The following FASTKD2 variants were observed in gnomAD, a reference collection of about 807,000 sequenced individuals.
FASTKD2 encodes FAST kinase domain-containing protein 2, mitochondrial.
FASTKD2 carries 51 observed loss-of-function variants against 63.6 expected under a neutral mutation model. The observed-to-expected ratio is 0.80, with a 90% CI of 0.64 to 1.01. The LOEUF is 1.01. Ranked by LOEUF, FASTKD2 falls within the 50% of genes least tolerant of loss-of-function variation. The pLI is 0.00. For missense variants in FASTKD2, 786 were observed against 831.1 expected (o/e 0.95, Z 0.67); for synonymous variants, 284 against 293.4 (o/e 0.97, Z 0.33).
chr2:206,775,024 T>C (rs1689785492), intron 7 of FASTKD2, among the ~76,000 whole-genome samples: 1 of 152,078 alleles, frequency 6.6e-6, no homozygotes, highest in Non-Finnish European at 1.5e-5. Context: ...GACTAGCTTA[T>C]TTCAGTTAGC....
At position 206,790,582 on chromosome 2, in the gene FASTKD2, C is replaced by T; in HGVS notation, c.1909C>T (p.Leu637=). Residue 637 remains leucine, a synonymous_variant, in exon 11 of 12, where the codon CTA becomes TTA. Coordinates refer to ENST00000402774, the MANE Select transcript of FASTKD2 (RefSeq NM_001136193.2). ...SATDIQRVAV[L]CVSRSAYCLG... ...TATTTTTGTTTTCAGAGTAGCTGTG[C>T]TATGTGTTTCCAGATCTGCTTATTG... 6.3e-7 allele frequency: 1 copy of T among 1,592,736 alleles called. No homozygotes were observed.
At chr2:206,766,117 G>T (rs527929742) in intron 1 of FASTKD2, among the ~76,000 whole-genome samples, 20 of 151,804 alleles carry the variant, frequency 1.3e-4, no homozygotes, top group Non-Finnish European at 2.8e-4. Context: ...AAAATTAGCC[G>T]GGCGTGGTGG....
chr2:206,776,870 C>T (rs964111974), intron 7 of FASTKD2, among the ~76,000 whole-genome samples: 20 of 151,998 alleles, frequency 1.3e-4, no homozygotes, highest in African/African-American at 4.8e-4. Context: ...GCACTGAATC[C>T]GTAGACTGCC....
chr2:206,772,066 T>C (rs367664517), intron 5 of FASTKD2, 49 bp downstream of exon 5: 72 of 1,608,564 alleles, frequency 4.5e-5, no homozygotes, highest in Non-Finnish European at 5.6e-5. Context: ...GCTTCTGTTT[T>C]AGACTATTTT....
chr2:206,789,127 A>AT (rs1559366780), intron 10 of FASTKD2: 3 of 514,300 alleles, frequency 5.8e-6, no homozygotes, highest in Non-Finnish European at 1.0e-5. Flanking sequence ...TGAGACAGAC[A>AT]TTTTTTTAAA....
intron 9 of FASTKD2, 75 bp downstream of exon 9, chr2:206,788,230 T>C: frequency 9.5e-7 from 1 of 1,048,464 alleles, no homozygotes; most frequent in East Asian, 2.6e-5. Flanking sequence ...AAAATAGGTA[T>C]TTGTGGCAGC....
chr2:206,765,606 G>A lies in FASTKD2; in HGVS notation c.-192G>A. On this transcript the variant is annotated 5_prime_UTR_variant, in exon 1 of 12. Coordinates refer to ENST00000402774, the MANE Select transcript of FASTKD2 (RefSeq NM_001136193.2). Reference sequence around the variant, plus strand: ...CTCGTGAGAAGCGCAGCTTCTCGGGGAAGCTGTCATGGCTGCTCCTGTACG... The same window carrying A: ...CTCGTGAGAAGCGCAGCTTCTCGGGAAAGCTGTCATGGCTGCTCCTGTACG... The A allele has an allele frequency of 1.0e-6, 1 of 968,474 alleles. No individual in the cohort carries two copies. The highest frequency in any genetic ancestry group is 1.3e-6 in the Non-Finnish European group (1 of 789,424). The allele number at this position is 968,474 out of a possible 1,614,324, so 60.0% of individuals were successfully genotyped here. A position where few individuals can be genotyped will look rare whatever the true frequency, so the allele number is the denominator to read the frequency against.
intron 3 of FASTKD2, among the ~76,000 whole-genome samples, 178 bp downstream of exon 3, chr2:206,770,372 A>G (rs1689638949): frequency 6.6e-6 from 1 of 152,160 alleles, no homozygotes; most frequent in Non-Finnish European, 1.5e-5. Context: ...TCTGGATGAC[A>G]TAGGCTGGAA....
intron 7 of FASTKD2, among the ~76,000 whole-genome samples, chr2:206,775,653 T>C (rs1689806331): frequency 6.6e-6 from 1 of 152,006 alleles, no homozygotes. Flanking sequence ...TTTGGAAGTA[T>C]TCCCTCCTTC....
chr2:206,780,782 T>C (rs1689950807), intron 7 of FASTKD2, among the ~76,000 whole-genome samples: 1 of 152,188 alleles, frequency 6.6e-6, no homozygotes, highest in Admixed American at 6.5e-5. Flanking sequence ...TGTCTTAGGC[T>C]TTCTTAACTC....
chr2:206,766,022 G>T (rs886421867), intron 1 of FASTKD2, among the ~76,000 whole-genome samples: 1 of 152,028 alleles, frequency 6.6e-6, no homozygotes, highest in Non-Finnish European at 1.5e-5. Flanking sequence ...CGCCTTGGGA[G>T]GCCGAGGCGG....
rs1376267018 is a variant in FASTKD2 at position 206,795,702 on chromosome 2, G to T, written c.*3900G>T. ...ATGCAGATGTACCTACTTGAAACTGGGAAGGCCAAATGAGATAGAGGTAAT... is the reference window on the plus strand; with the variant it reads ...ATGCAGATGTACCTACTTGAAACTGTGAAGGCCAAATGAGATAGAGGTAAT... On this transcript the variant is annotated 3_prime_UTR_variant, in exon 12 of 12. Coordinates refer to ENST00000402774, the MANE Select transcript of FASTKD2 (RefSeq NM_001136193.2). Among the ~76,000 whole-genome samples the T allele has an allele frequency of 2.0e-5, 3 of 152,194 alleles. No homozygotes were observed. Among genetic ancestry groups the T allele is most frequent in the Non-Finnish European group, 4.4e-5 (3 of 68,044 alleles).
intron 7 of FASTKD2, among the ~76,000 whole-genome samples, chr2:206,783,884 C>T (rs1690062879): frequency 6.6e-6 from 1 of 152,090 alleles, no homozygotes. Context: ...TTTTTAGTTG[C>T]CACAACAGGA....
chr2:206,779,882 T>C (rs923431881), intron 7 of FASTKD2, among the ~76,000 whole-genome samples: 10 of 152,226 alleles, frequency 6.6e-5, no homozygotes, highest in Non-Finnish European at 1.5e-4. Context: ...TTCAATTCCT[T>C]TCTGTTTTTC....
chr2:206,788,972 A>T, intron 10 of FASTKD2, 69 bp downstream of exon 10: 1 of 821,992 alleles, frequency 1.2e-6, no homozygotes, highest in Non-Finnish European at 2.1e-6. Flanking sequence ...ACTTCATATT[A>T]AATAGCAGTA....
chr2:206,788,636 G>T (rs978791631), intron 9 of FASTKD2, among the ~76,000 whole-genome samples, 183 bp from the exon 10 acceptor site: 5 of 151,548 alleles, frequency 3.3e-5, no homozygotes, highest in Non-Finnish European at 7.4e-5. Context: ...TCAACAGGGT[G>T]GGGTAAAAGG....
At chr2:206,766,335 A>T (rs1689468984) in intron 1 of FASTKD2, among the ~76,000 whole-genome samples, 1 of 151,190 alleles carries the variant, frequency 6.6e-6, no homozygotes, top group African/African-American at 2.4e-5. Flanking sequence ...CCTAATTTTC[A>T]CCGAGGACAT....
chr2:206,774,450 G>A, intron 7 of FASTKD2, 53 bp downstream of exon 7: 2 of 1,180,654 alleles, frequency 1.7e-6, no homozygotes, highest in Non-Finnish European at 2.5e-6. Context: ...TTACAAAAAA[G>A]GTTATAAATC....
chr2:206,775,198 C>G (rs1689790142), intron 7 of FASTKD2, among the ~76,000 whole-genome samples: 1 of 151,994 alleles, frequency 6.6e-6, no homozygotes, highest in Non-Finnish European at 1.5e-5. Context: ...CAATGCTGCA[C>G]TTAACATGGG....
Sources: allele counts gnomAD v4.1 joint callset (sites outside exome capture counted in the v4.1 genomes callset), GRCh38; gene constraint gnomAD v4.1.1; transcripts MANE v1.5; gene names NCBI Gene and HGNC (gene_info 2026-07-23, HGNC 2026-07-21).